TESPA1: variants seen among roughly 807,000 people sequenced by gnomAD.
The protein encoded by TESPA1 is thymocyte expressed, positive selection associated 1, also known as protein TESPA1.
A neutral mutation model predicts 57.9 loss-of-function variants in TESPA1; 33 were observed. The ratio of observed to expected loss-of-function variants is 0.57; its 90% confidence interval spans 0.43 to 0.76. The LOEUF is 0.76. Among genes scored for constraint, TESPA1 ranks in the 30% least tolerant of loss-of-function variants. TESPA1 has a pLI of 0.00. For synonymous variants in TESPA1, 227 were observed against 228.9 expected (o/e 0.99, Z 0.07); for missense variants, 618 against 632.9 (o/e 0.98, Z 0.25).
At chr12:54,957,061 C>T (rs1950779266) in intron 10 of TESPA1, among the ~76,000 whole-genome samples, 1 of 152,228 alleles carries the variant, frequency 6.6e-6, no homozygotes, top group Non-Finnish European at 1.5e-5. Flanking sequence ...ATTCAAACCA[C>T]AGCAGTGCCC....
chr12:54,977,691 C>T (rs183755692), intron 1 of TESPA1, among the ~76,000 whole-genome samples: 22 of 152,282 alleles, frequency 1.4e-4, no homozygotes, highest in African/African-American at 5.3e-4. Flanking sequence ...CTGAGAATGA[C>T]AGACATTTTC....
intron 1 of TESPA1, among the ~76,000 whole-genome samples, chr12:54,978,903 T>C (rs1411813601): frequency 6.6e-6 from 1 of 152,206 alleles, no homozygotes; most frequent in Non-Finnish European, 1.5e-5. Context: ...TACTTGTAAC[T>C]TCTCCCCTAA....
At chr12:54,983,631 G>T (rs1201356904) in intron 1 of TESPA1, among the ~76,000 whole-genome samples, 5 of 152,142 alleles carry the variant, frequency 3.3e-5, no homozygotes, top group Non-Finnish European at 7.3e-5. Flanking sequence ...TCCTGTAAAT[G>T]CTCACAGTCT....
intron 3 of TESPA1, 21 bp from the exon 4 acceptor site, chr12:54,967,913 T>C (rs775772666): frequency 3.1e-6 from 5 of 1,613,362 alleles, no homozygotes; most frequent in African/African-American, 1.3e-5. Context: ...AACAGTCTTA[T>C]AGGTTGAAGT....
At chr12:54,964,009 A>G (rs1951257098) in intron 7 of TESPA1, 59 bp from the exon 8 acceptor site, 1 of 1,478,248 alleles carries the variant, frequency 6.8e-7, no homozygotes, top group Non-Finnish European at 9.4e-7. Flanking sequence ...GTAATTCAGA[A>G]TATCAGAATA....
chr12:54,958,929 C>T (rs1218497057), intron 10 of TESPA1, among the ~76,000 whole-genome samples: 1 of 152,126 alleles, frequency 6.6e-6, no homozygotes, highest in African/African-American at 2.4e-5. Context: ...CATTAGAGCC[C>T]TTATCATTTT....
chr12:54,970,101 T>C (rs529464869), intron 3 of TESPA1, among the ~76,000 whole-genome samples: 22 of 152,146 alleles, frequency 1.4e-4, no homozygotes, highest in Non-Finnish European at 1.3e-4. Context: ...TTTAAAAAAC[T>C]GTTGTTTTTT....
chr12:54,951,770 G>A (rs1295889534), intron 10 of TESPA1, among the ~76,000 whole-genome samples: 1 of 138,890 alleles, frequency 7.2e-6, no homozygotes, highest in African/African-American at 2.7e-5. Context: ...GTTTCTATTT[G>A]CAACCTTTTT....
chr12:54,983,343 C>T (rs1387228181), intron 1 of TESPA1, among the ~76,000 whole-genome samples: 1 of 152,112 alleles, frequency 6.6e-6, no homozygotes, highest in Non-Finnish European at 1.5e-5. Context: ...ATATCTTCAG[C>T]TTGTTATTTC....
At chr12:54,975,653 T>A (rs929331651) in intron 1 of TESPA1, among the ~76,000 whole-genome samples, 3 of 150,582 alleles carry the variant, frequency 2.0e-5, no homozygotes, top group African/African-American at 7.4e-5. Context: ...ATAAACAACA[T>A]CATCTTAAGA....
At chr12:54,969,500 C>T (rs1207106351) in intron 3 of TESPA1, among the ~76,000 whole-genome samples, 1 of 151,900 alleles carries the variant, frequency 6.6e-6, no homozygotes, top group African/African-American at 2.4e-5. Context: ...TAGGTTGTAC[C>T]CAATGGACAT....
At chr12:54,974,264 A>G in intron 2 of TESPA1, 136 bp downstream of exon 2, 2 of 658,436 alleles carry the variant, frequency 3.0e-6, no homozygotes, top group East Asian at 3.2e-5. Context: ...TCTCCTAAAC[A>G]TATTTAAACC....
chr12:54,978,212 G>A (rs757090454), intron 1 of TESPA1, among the ~76,000 whole-genome samples: 4 of 152,136 alleles, frequency 2.6e-5, no homozygotes, highest in Non-Finnish European at 5.9e-5. Context: ...ATTCGAAAAC[G>A]TACACTGATA....
chr12:54,953,543 A>G (rs1257990766), intron 10 of TESPA1, among the ~76,000 whole-genome samples: 4 of 99,396 alleles, frequency 4.0e-5, no homozygotes, highest in African/African-American at 2.0e-4. Flanking sequence ...TTTGAGACGG[A>G]GTCTCGCTCT....
At chr12:54,967,530 A>G (rs1532052) in intron 4 of TESPA1, among the ~76,000 whole-genome samples, 55,413 of 151,632 alleles carry the variant, frequency 0.37, 13,035 homozygotes, top group East Asian at 0.92. Context: ...ACATATGGGG[A>G]TGTGCACTCA....
At chr12:54,967,530 A>T (rs1532052) in intron 4 of TESPA1, among the ~76,000 whole-genome samples, 1 of 151,590 alleles carries the variant, frequency 6.6e-6, no homozygotes, top group Non-Finnish European at 1.5e-5. Context: ...ACATATGGGG[A>T]TGTGCACTCA....
chr12:54,965,977 G>T lies in TESPA1; in HGVS notation c.446+76C>A, dbSNP rs75702733. The T allele has an allele frequency of 4.9e-4, 677 of 1,373,232 alleles. 4 individuals carry two copies. The African/African-American group carries it at 8.9e-3, about 18-fold the overall frequency. 85.1% of individuals were successfully genotyped at this position (1,373,232 alleles called of 1,614,324 possible). ...CAGTAAGATATCCCAGAAAAAACAG[G>T]CAATGGCTCTTGGTTCCATTCTCCT... On this transcript the variant is annotated intron_variant, in intron 7 of 10. Transcript: ENST00000449076.
intron 10 of TESPA1, among the ~76,000 whole-genome samples, chr12:54,953,540 C>T (rs553278858): frequency 7.4e-4 from 74 of 100,076 alleles, no homozygotes; most frequent in Admixed American, 6.7e-3. Flanking sequence ...TTTTTTGAGA[C>T]GGAGTCTCGC....
At position 54,974,564 on chromosome 12, in the gene TESPA1, G is replaced by T. The variant is rs377181705; in HGVS notation, c.-2C>A. 2 of 1,568,698 alleles carry T rather than the reference G, an allele frequency of 1.3e-6. No individual in the cohort carries two copies. Among genetic ancestry groups the T allele is most frequent in the Non-Finnish European group, 1.7e-6 (2 of 1,156,650 alleles). ...GGGGCTCAGCACAGAGGCCTCCATG[G>T]CCCTGGCTCAGACTTCAGGGCCTCC... On this transcript the variant is annotated 5_prime_UTR_variant, in exon 2 of 11. Transcript: ENST00000449076.
Sources: gnomAD v4.1 joint callset for allele counts (sites outside exome capture counted in the v4.1 genomes callset) on GRCh38, gnomAD v4.1.1 for gene constraint, MANE v1.5 for transcripts, NCBI Gene and HGNC (gene_info 2026-07-23, HGNC 2026-07-21) for gene names.